RARA: variants seen among roughly 807,000 people sequenced by gnomAD.
RARA encodes retinoic acid receptor alpha.
In RARA, 5 loss-of-function variants were observed where a neutral mutation model predicts 42.8. That is an observed-to-expected ratio of 0.12 (90% CI 0.06 to 0.25). RARA has a LOEUF of 0.25. RARA is among the 10% of genes least tolerant of loss of function. RARA has a pLI of 1.00. For synonymous variants in RARA, 256 were observed against 259.5 expected (o/e 0.99, Z 0.13); for missense variants, 402 against 628.7 (o/e 0.64, Z 3.86).
chr17:40,335,216 G>C (rs2033810238), intron 2 of RARA, among the ~76,000 whole-genome samples: 1 of 152,100 alleles, frequency 6.6e-6, no homozygotes, highest in African/African-American at 2.4e-5. Context: ...TGTTGGGGCT[G>C]GGAGGGGGAG....
chr17:40,313,487 A>G (rs967252319), intron 1 of RARA, among the ~76,000 whole-genome samples: 6 of 152,132 alleles, frequency 3.9e-5, no homozygotes, highest in Non-Finnish European at 5.9e-5. Flanking sequence ...ACAGGCCACC[A>G]TGCTGCACAG....
chr17:40,311,024 G>C (rs1196058316), intron 1 of RARA, among the ~76,000 whole-genome samples: 3 of 152,068 alleles, frequency 2.0e-5, no homozygotes, highest in African/African-American at 7.2e-5. Flanking sequence ...ACAGAGTACA[G>C]ATCTCTCCAC....
chr17:40,342,077 G>C, intron 2 of RARA: 1 of 1,059,226 alleles, frequency 9.4e-7, no homozygotes. Context: ...GTTAAGCCAG[G>C]GGCGGTGCCT....
chr17:40,337,200 T>A (rs2033879013), intron 2 of RARA, among the ~76,000 whole-genome samples: 1 of 152,248 alleles, frequency 6.6e-6, no homozygotes, highest in Non-Finnish European at 1.5e-5. Flanking sequence ...TGTAGGATTG[T>A]AAAGCTGGGC....
At chr17:40,330,390 A>G (rs143902765) in intron 1 of RARA, among the ~76,000 whole-genome samples, 35 of 151,864 alleles carry the variant, frequency 2.3e-4, no homozygotes, top group African/African-American at 7.5e-4. Context: ...CTGGGGGGGA[A>G]GTGGTGTAAG....
Position 40,320,516 on chromosome 17 carries a change from G to A in RARA, c.-362-10341G>A, listed in dbSNP as rs925607542. Among the ~76,000 whole-genome samples, 5 of 152,112 alleles carry A rather than the reference G, an allele frequency of 3.3e-5. No homozygotes were observed. Among genetic ancestry groups the A allele is most frequent in the Non-Finnish European group, 5.9e-5 (4 of 68,020 alleles). ...CATTCACCCAGACCCCAGCTAATGC[G>A]CGCCCCTTCCCCTAAACCATTTAGT... On this transcript the variant is annotated intron_variant, in intron 1 of 8. Transcript: ENST00000254066. This position sits in a 1 kb window ranked among gnomAD's most constrained non-coding sequence, Gnocchi z 4.1.
In RARA at chr17:40,320,457, TTGTC is replaced by T. The variant is rs759786792; in HGVS notation, c.-362-10397_-362-10394del. ...CCATCTAAGTATGGGGGAGAGGACA[TTGTC>T]TGAGTGGCCCCTCAGGTCTGTTTTG... On this transcript the variant is annotated intron_variant, in intron 1 of 8. Coordinates refer to ENST00000254066, the MANE Select transcript of RARA (RefSeq NM_000964.4). This position sits in a 1 kb window ranked among gnomAD's most constrained non-coding sequence, Gnocchi z 4.1. Among the ~76,000 whole-genome samples, 141 of 152,248 alleles carry T rather than the reference TTGTC, an allele frequency of 9.3e-4. No homozygotes were observed. Among genetic ancestry groups the T allele is most frequent in the Admixed American group, 1.5e-3 (23 of 15,294 alleles).
intron 2 of RARA, chr17:40,341,791 A>G: frequency 2.4e-6 from 3 of 1,261,520 alleles, no homozygotes; most frequent in Non-Finnish European, 3.0e-6. Flanking sequence ...TCGCTCGGCC[A>G]GGGACTGACC....
At chr17:40,342,667 G>T in intron 2 of RARA, 1 of 1,583,756 alleles carries the variant, frequency 6.3e-7, no homozygotes, top group Non-Finnish European at 8.6e-7. Context: ...CGGCGCGCAG[G>T]ACTTCCCAGC....
chr17:40,341,616 G>A (rs2034044588), intron 2 of RARA: 2 of 1,353,096 alleles, frequency 1.5e-6, no homozygotes, highest in Non-Finnish European at 1.9e-6. Context: ...ACGGGCAGCG[G>A]TGGGTGGGTC....
At chr17:40,337,285 G>A (rs534534222) in intron 2 of RARA, among the ~76,000 whole-genome samples, 1 of 152,192 alleles carries the variant, frequency 6.6e-6, no homozygotes, top group African/African-American at 2.4e-5. Context: ...AAGTGTGGGG[G>A]GTGGGGCTTA....
At chr17:40,342,798 A>G (rs1346505800) in intron 2 of RARA, 1 of 1,612,728 alleles carries the variant, frequency 6.2e-7, no homozygotes, top group South Asian at 1.1e-5. Context: ...GCTCCCAGAG[A>G]AGGGGCTCCC....
intron 2 of RARA, among the ~76,000 whole-genome samples, chr17:40,340,443 G>A (rs1295188817): frequency 6.6e-6 from 1 of 152,184 alleles, no homozygotes; most frequent in Non-Finnish European, 1.5e-5. Flanking sequence ...GCCTGGTCTT[G>A]TGTACCTTTT....
At chr17:40,343,177 T>G in intron 2 of RARA, 1 of 269,606 alleles carries the variant, frequency 3.7e-6, no homozygotes, top group Non-Finnish European at 6.7e-6. Flanking sequence ...CCCCAGTTTA[T>G]ATCTTCTTGC....
rs148637697 is a variant in RARA, at chr17:40,351,905, C to T, written c.470-5C>T. On this transcript the variant is annotated splice_polypyrimidine_tract_variant and splice_region_variant and intron_variant, in intron 4 of 8. Coordinates refer to ENST00000254066, the MANE Select transcript of RARA (RefSeq NM_000964.4). The surrounding 1 kb of genome is among the most constrained non-coding windows in gnomAD (Gnocchi z 4.1). ...TGCCCTCTTAACCCCCTCTGCCCTCCACAGCTGTGAGAAACGACCGAAACA... is the reference window on the plus strand; with the variant it reads ...TGCCCTCTTAACCCCCTCTGCCCTCTACAGCTGTGAGAAACGACCGAAACA... 6.2e-7 allele frequency: 1 copy of T among 1,611,452 alleles called. No individual in the cohort carries two copies. The highest frequency in any genetic ancestry group is 2.2e-5 in the East Asian group (1 of 44,818).
intron 2 of RARA, 117 bp from the exon 3 acceptor site, chr17:40,348,199 T>A (rs2034329401): frequency 1.5e-6 from 2 of 1,302,110 alleles, no homozygotes; most frequent in African/African-American, 3.1e-5. Context: ...ACTTGAATCC[T>A]GCCAGCAGTG....
At chr17:40,338,041 T>C (rs1174706899) in intron 2 of RARA, among the ~76,000 whole-genome samples, 1 of 152,210 alleles carries the variant, frequency 6.6e-6, no homozygotes, top group Non-Finnish European at 1.5e-5. Context: ...CCCTCACCTT[T>C]TATCTCCCAG....
intron 2 of RARA, among the ~76,000 whole-genome samples, chr17:40,344,243 T>A (rs983622588): frequency 4.6e-5 from 7 of 152,034 alleles, no homozygotes; most frequent in African/African-American, 1.7e-4. Flanking sequence ...CTTTTCCTAT[T>A]GTCCTGCCCC....
intron 6 of RARA, among the ~76,000 whole-genome samples, chr17:40,353,997 TC>T (rs1395542907): frequency 6.6e-6 from 1 of 152,190 alleles, no homozygotes; most frequent in African/African-American, 2.4e-5. Context: ...ACCTGCACTA[TC>T]CAGTACAGTA....
Sources: gnomAD v4.1 joint callset for allele counts (sites outside exome capture counted in the v4.1 genomes callset) on GRCh38, gnomAD v4.1.1 for gene constraint, Gnocchi (gnomAD v3.1) non-coding constraint, MANE v1.5 for transcripts, NCBI Gene and HGNC (gene_info 2026-07-23, HGNC 2026-07-21) for gene names.